The following CFDP1 variants were observed in gnomAD, a reference collection of about 807,000 sequenced individuals.
CFDP1 encodes the protein chromatin remodeling protein CFDP1.
A neutral mutation model predicts 40.1 loss-of-function variants in CFDP1; 31 were observed. The ratio of observed to expected loss-of-function variants is 0.77; its 90% confidence interval spans 0.58 to 1.04. CFDP1 has a LOEUF of 1.04. Among genes scored for constraint, CFDP1 ranks in the 50% least tolerant of loss-of-function variants. CFDP1 has a pLI of 0.00. For synonymous variants in CFDP1, 167 were observed against 120.0 expected (o/e 1.39, Z -2.56); for missense variants, 423 against 343.4 (o/e 1.23, Z -1.83).
intron 5 of CFDP1, among the ~76,000 whole-genome samples, chr16:75,354,001 T>G (rs1035849846): frequency 1.3e-5 from 2 of 152,182 alleles, no homozygotes; most frequent in African/African-American, 4.8e-5. Context: ...TATCATGGTG[T>G]GAAAGTGATA....
intron 4 of CFDP1, among the ~76,000 whole-genome samples, chr16:75,407,150 T>C (rs2079107803): frequency 6.6e-6 from 1 of 152,160 alleles, no homozygotes; most frequent in African/African-American, 2.4e-5. Flanking sequence ...AAGGTTACAG[T>C]AATCAATGAT....
At chr16:75,320,737 T>A (rs973823729) in intron 5 of CFDP1, among the ~76,000 whole-genome samples, 2 of 152,142 alleles carry the variant, frequency 1.3e-5, no homozygotes, top group African/African-American at 4.8e-5. Context: ...ACTGTTCAGA[T>A]GAAGGAAAGG....
At chr16:75,381,766 C>T (rs1266633341) in intron 5 of CFDP1, among the ~76,000 whole-genome samples, 2 of 152,068 alleles carry the variant, frequency 1.3e-5, no homozygotes, top group African/African-American at 4.8e-5. Context: ...TGCTTGCAAG[C>T]AGCAAGAGAT....
At chr16:75,336,688 T>C (rs558085407) in intron 5 of CFDP1, among the ~76,000 whole-genome samples, 1 of 152,376 alleles carries the variant, frequency 6.6e-6, no homozygotes, top group African/African-American at 2.4e-5. Context: ...TATTCCATTG[T>C]AGGGAAGAAC....
At chr16:75,343,050 C>G (rs1010085837) in intron 5 of CFDP1, among the ~76,000 whole-genome samples, 1 of 152,018 alleles carries the variant, frequency 6.6e-6, no homozygotes, top group African/African-American at 2.4e-5. Context: ...TCTGAGCTCC[C>G]TGGAAGAAAA....
At chr16:75,431,581 T>C (rs2079418319) in intron 1 of CFDP1, among the ~76,000 whole-genome samples, 3 of 151,630 alleles carry the variant, frequency 2.0e-5, no homozygotes, top group East Asian at 1.9e-4. Context: ...AGAGGCCGCA[T>C]TAAGCAGAGA....
rs190199276 is a variant in CFDP1 at position 75,387,285 on chromosome 16, C to T, written c.650+7805G>A. Among the ~76,000 whole-genome samples, 112 of 152,244 alleles carry T rather than the reference C, an allele frequency of 7.4e-4. 1 individual carries two copies. The highest frequency in any genetic ancestry group is 2.7e-3 in the African/African-American group (111 of 41,548). On this transcript the variant is annotated intron_variant, in intron 5 of 6. Transcript: ENST00000283882. ...CCTCCGCAGTACCTGGGACTACAGG[C>T]GCCCACCACCACGCCCGGAGAATTT...
intron 5 of CFDP1, among the ~76,000 whole-genome samples, chr16:75,355,444 T>A (rs375080685): frequency 1.3e-5 from 2 of 152,230 alleles, no homozygotes. Flanking sequence ...ATTTCAACAA[T>A]GTTGACAGCA....
intron 5 of CFDP1, among the ~76,000 whole-genome samples, chr16:75,390,911 G>A (rs1049816167): frequency 1.3e-5 from 2 of 152,180 alleles, no homozygotes; most frequent in African/African-American, 4.8e-5. Flanking sequence ...TTGTATCCCT[G>A]TGGTTTTCCA....
chr16:75,330,787 A>T (rs911568854), intron 5 of CFDP1, among the ~76,000 whole-genome samples: 1 of 152,138 alleles, frequency 6.6e-6, no homozygotes, highest in Non-Finnish European at 1.5e-5. Flanking sequence ...AGTAGACTAT[A>T]AAGAGTTTAC....
intron 5 of CFDP1, among the ~76,000 whole-genome samples, chr16:75,393,429 T>A (rs1012082766): frequency 2.0e-5 from 3 of 152,062 alleles, no homozygotes; most frequent in African/African-American, 7.2e-5. Flanking sequence ...GCTGCAAAGA[T>A]GGGGAAGGCC....
rs138554395 is a variant in CFDP1, at chr16:75,425,761, C to T, written c.64+7528G>A. Among the ~76,000 whole-genome samples, 225 of 151,790 alleles carry T rather than the reference C, an allele frequency of 1.5e-3. 2 individuals carry two copies. Among genetic ancestry groups the T allele is most frequent in the African/African-American group, 5.0e-3 (207 of 41,404 alleles). ...TAAAAAAGTAAATGCTGGCCGGGCA[C>T]GGTGGCTCACTCCTGTAATCCCAGC... On this transcript the variant is annotated intron_variant, in intron 1 of 6. Coordinates refer to ENST00000283882, the MANE Select transcript of CFDP1 (RefSeq NM_006324.3).
At chr16:75,349,698 T>TATATATATATATATATATATACAC (rs146824267) in intron 5 of CFDP1, among the ~76,000 whole-genome samples, 797 of 47,808 alleles carry the variant, frequency 0.017, 51 homozygotes, top group South Asian at 0.023. Context: ...AAAATATATA[T>TATATATATATATATATATATACAC]ACATACATAT....
At chr16:75,366,848 C>T (rs4888391) in intron 5 of CFDP1, among the ~76,000 whole-genome samples, 79,209 of 151,700 alleles carry the variant, frequency 0.52, 21,652 homozygotes, top group Admixed American at 0.64. Context: ...AAATTGTACA[C>T]AATGAAAGTT....
chr16:75,357,034 C>T (rs2078649480), intron 5 of CFDP1, among the ~76,000 whole-genome samples: 1 of 151,772 alleles, frequency 6.6e-6, no homozygotes, highest in African/African-American at 2.4e-5. Context: ...CTGCCTCAGC[C>T]TCCCAAGTGC....
Position 75,373,750 on chromosome 16 carries a change from C to G in CFDP1, c.650+21340G>C, listed in dbSNP as rs760169904. Among the ~76,000 whole-genome samples the G allele has an allele frequency of 2.2e-4, 34 of 152,234 alleles. 1 individual carries two copies. Among genetic ancestry groups the G allele is most frequent in the South Asian group, 4.1e-4 (2 of 4,832 alleles). On this transcript the variant is annotated intron_variant, in intron 5 of 6. Coordinates refer to ENST00000283882, the MANE Select transcript of CFDP1 (RefSeq NM_006324.3). ...ACAAGACTGTATTCTGCTCTAGATA[C>G]GAAGCCATTTTGTCCTTTACAAGGG... is the stretch of plus-strand genomic sequence containing the variant.
At chr16:75,304,055 T>C (rs1392754628) in intron 6 of CFDP1, among the ~76,000 whole-genome samples, 2 of 70,436 alleles carry the variant, frequency 2.8e-5, no homozygotes, top group Non-Finnish European at 6.3e-5. Context: ...TTCTTTTCTT[T>C]TCCTTTCTCT....
At chr16:75,433,207 A>G (rs903123815) in intron 1 of CFDP1, 82 bp downstream of exon 1, 1 of 1,366,412 alleles carries the variant, frequency 7.3e-7, no homozygotes, top group Non-Finnish European at 1.0e-6. Flanking sequence ...GCCACAGGGC[A>G]GACGCCCGCG....
chr16:75,414,551 T>G, intron 2 of CFDP1, 27 bp downstream of exon 2: 1 of 1,402,606 alleles, frequency 7.1e-7, no homozygotes, highest in African/African-American at 1.4e-5. Context: ...AGCCCCTAAC[T>G]TCTAAGGGCC....
Sources: gnomAD v4.1 joint callset for allele counts (sites outside exome capture counted in the v4.1 genomes callset) on GRCh38, gnomAD v4.1.1 for gene constraint, MANE v1.5 for transcripts, NCBI Gene and HGNC (gene_info 2026-07-23, HGNC 2026-07-21) for gene names.